Variants in COL5A1 observed in about 807,000 individuals in gnomAD.
The protein encoded by COL5A1 is collagen alpha-1(V) chain.
COL5A1 carries 16 observed loss-of-function variants against 263.7 expected under a neutral mutation model. The observed-to-expected ratio is 0.06, with a 90% CI of 0.04 to 0.09. COL5A1 has a LOEUF of 0.09. COL5A1 is among the 10% of genes least tolerant of loss of function. The pLI is 1.00. For missense variants in COL5A1, 2,036 were observed against 2,540.5 expected (o/e 0.80, Z 4.27); for synonymous variants, 1,012 against 1,004.5 (o/e 1.01, Z -0.14).
chr9:134,778,104 C>A (rs1014112232), intron 27 of COL5A1, among the ~76,000 whole-genome samples: 2 of 152,182 alleles, frequency 1.3e-5, no homozygotes, highest in Admixed American at 6.5e-5. Flanking sequence ...GATGCCACGC[C>A]GTGGTGAGAC....
intron 34 of COL5A1, among the ~76,000 whole-genome samples, chr9:134,795,732 G>A (rs1035093266): frequency 1.6e-3 from 241 of 152,352 alleles, no homozygotes; most frequent in African/African-American, 5.7e-3. Flanking sequence ...GGCCCAGGCC[G>A]GCCTCATGCA....
Position 134,843,888 on chromosome 9 carries a change from CGGCTCCAGAGCTCGG to C in COL5A1, c.*1589_*1603del, listed in dbSNP as rs1361511472. On this transcript the variant is annotated 3_prime_UTR_variant, in exon 66 of 66. Transcript: ENST00000371817. ...CAAATGTCCTGGATGCGAGCGTCAG[CGGCTCCAGAGCTCGG>C]GGCGGGTGAGGTCCCCTTTGGGGAA... 1 of 152,560 alleles carries C rather than the reference CGGCTCCAGAGCTCGG, an allele frequency of 6.6e-6. No homozygotes were observed. Among genetic ancestry groups the C allele is most frequent in the Non-Finnish European group, 1.5e-5 (1 of 68,042 alleles). 9.5% of individuals were successfully genotyped at this position (152,560 alleles called of 1,614,324 possible).
intron 14 of COL5A1, 29 bp from the exon 15 acceptor site, chr9:134,753,821 A>G: frequency 7.0e-7 from 1 of 1,420,084 alleles, no homozygotes; most frequent in Non-Finnish European, 9.4e-7. Flanking sequence ...CACCTCGAGC[A>G]GACATTAACA....
At chr9:134,735,999 C>T (rs181233579) in intron 9 of COL5A1, among the ~76,000 whole-genome samples, 2 of 150,906 alleles carry the variant, frequency 1.3e-5, no homozygotes, top group Non-Finnish European at 3.0e-5. Flanking sequence ...CATCTGCGGC[C>T]CCCCCAGCCG....
rs925927419 is a variant in COL5A1, at chr9:134,677,720, T to C, written c.110-13192T>C. Among the ~76,000 whole-genome samples, 3 of 152,244 alleles carry C rather than the reference T, an allele frequency of 2.0e-5. No individual in the cohort carries two copies. Among genetic ancestry groups the C allele is most frequent in the African/African-American group, 4.8e-5 (2 of 41,466 alleles). On this transcript the variant is annotated intron_variant, in intron 1 of 65. Transcript: ENST00000371817. The surrounding 1 kb of genome is among the most constrained non-coding windows in gnomAD (Gnocchi z 4.4). ...TCCATCCTTTCTCAGTCCGGCCATC[T>C]TACTCCCTGTTCCTCCTTCATCTCT...
At chr9:134,679,600 C>T (rs1288251161) in intron 1 of COL5A1, among the ~76,000 whole-genome samples, 15 of 64,814 alleles carry the variant, frequency 2.3e-4, no homozygotes, top group African/African-American at 9.7e-4. Context: ...GCTGGTTGGG[C>T]ACTGCGGGGC....
chr9:134,767,184 G>A (rs957280809), intron 23 of COL5A1, 126 bp from the exon 24 acceptor site: 16 of 1,414,844 alleles, frequency 1.1e-5, no homozygotes, highest in East Asian at 2.3e-5. Context: ...TATCTGGAGG[G>A]AGACTAGGAC....
rs1402901005 is a variant in COL5A1, at chr9:134,677,036, T to C, written c.110-13876T>C. On this transcript the variant is annotated intron_variant, in intron 1 of 65. Coordinates refer to ENST00000371817, the MANE Select transcript of COL5A1 (RefSeq NM_000093.5). This position sits in a 1 kb window ranked among gnomAD's most constrained non-coding sequence, Gnocchi z 4.4. ...GGAGCACCTGCTGCCAGTCCTGGGC[T>C]TGGGGAGGCCATGGAGTGCTCTGGT... Among the ~76,000 whole-genome samples, 3 of 152,186 alleles carry C rather than the reference T, an allele frequency of 2.0e-5. No homozygotes were observed. The highest frequency in any genetic ancestry group is 7.2e-5 in the African/African-American group (3 of 41,442).
chr9:134,680,627 G>A lies in COL5A1; in HGVS notation c.110-10285G>A, dbSNP rs774461298. Reference sequence around the variant, plus strand: ...AAGGCCTTGAGGTGGGGCCCCAGGGGCTTGGGGAGGGTGGCCATGCTGTGC... The same window carrying A: ...AAGGCCTTGAGGTGGGGCCCCAGGGACTTGGGGAGGGTGGCCATGCTGTGC... On this transcript the variant is annotated intron_variant, in intron 1 of 65. Transcript: ENST00000371817. The surrounding 1 kb of genome is among the most constrained non-coding windows in gnomAD (Gnocchi z 5.9). 2.0e-5 allele frequency among the ~76,000 whole-genome samples: 3 copies of A among 152,198 alleles called. No individual in the cohort carries two copies. The highest frequency in any genetic ancestry group is 4.4e-5 in the Non-Finnish European group (3 of 68,026).
intron 27 of COL5A1, among the ~76,000 whole-genome samples, chr9:134,778,945 G>T (rs564736414): frequency 6.6e-6 from 1 of 152,250 alleles, no homozygotes; most frequent in Non-Finnish European, 1.5e-5. Flanking sequence ...GCCAGGGCAC[G>T]CAGCCCAAGG....
chr9:134,719,866 C>T (rs1401985578), intron 4 of COL5A1, among the ~76,000 whole-genome samples: 1 of 152,180 alleles, frequency 6.6e-6, no homozygotes, highest in East Asian at 1.9e-4. Flanking sequence ...TGCCATGAAA[C>T]CTGGCAGTTA....
chr9:134,750,040 A>G (rs1172072178), intron 11 of COL5A1, among the ~76,000 whole-genome samples: 1 of 152,172 alleles, frequency 6.6e-6, no homozygotes, highest in Non-Finnish European at 1.5e-5. Flanking sequence ...CCATCCACGC[A>G]AGTGGCTGCT....
In COL5A1 at chr9:134,642,013, G is replaced by A. The variant is rs890651243; in HGVS notation, c.-175G>A. On this transcript the variant is annotated 5_prime_UTR_variant, in exon 1 of 66. Transcript: ENST00000371817. This position sits in a 1 kb window ranked among gnomAD's most constrained non-coding sequence, Gnocchi z 4.5. The stretch of plus-strand genomic sequence containing the variant: ...CCGCCCGTGGGCGAGCGCGCCAGCC[G>A]CCCCTTCCAGAACAGCCGCCGCCAC... 1.2e-4 allele frequency: 67 copies of A among 538,922 alleles called. No homozygotes were observed. The highest frequency in any genetic ancestry group is 5.3e-4 in the Middle Eastern group (1 of 1,898). The allele number at this position is 538,922 out of a possible 1,614,324, so 33.4% of individuals were successfully genotyped here. A position where few individuals can be genotyped will look rare whatever the true frequency, so the allele number is the denominator to read the frequency against.
At chr9:134,779,525 T>C (rs1353679779) in intron 27 of COL5A1, among the ~76,000 whole-genome samples, 2 of 152,228 alleles carry the variant, frequency 1.3e-5, no homozygotes, top group Admixed American at 6.5e-5. Flanking sequence ...CTTCTGTTTA[T>C]TGACACCTGC....
At chr9:134,823,091 TC>T in intron 60 of COL5A1, 58 bp downstream of exon 60, 2 of 1,590,018 alleles carry the variant, frequency 1.3e-6, no homozygotes, top group Non-Finnish European at 8.6e-7. Flanking sequence ...GGGCGACGGG[TC>T]CCCTGGCACG....
At chr9:134,788,286 G>A (rs1167131710) in intron 31 of COL5A1, among the ~76,000 whole-genome samples, 7 of 151,180 alleles carry the variant, frequency 4.6e-5, no homozygotes, top group African/African-American at 1.7e-4. Context: ...ATGGATGGGT[G>A]GGCAGGTAAG....
chr9:134,807,823 C>T (rs941138707), intron 42 of COL5A1, among the ~76,000 whole-genome samples: 1 of 152,200 alleles, frequency 6.6e-6, no homozygotes, highest in East Asian at 1.9e-4. Context: ...GCCAACTGGG[C>T]AGTCAGTGTA....
chr9:134,658,803 G>C (rs1438659157), intron 1 of COL5A1, among the ~76,000 whole-genome samples: 1 of 152,242 alleles, frequency 6.6e-6, no homozygotes, highest in Admixed American at 6.5e-5. Flanking sequence ...CTGGGCTCCA[G>C]GTGGGCTCTG....
Position 134,767,043 on chromosome 9 carries a change from C to T in COL5A1, c.2177C>T (p.Pro726Leu), listed in dbSNP as rs1836697036. The change falls in exon 23 of 66, where the codon CCA becomes CTA. Residue 726 changes from proline (P) to leucine (L), a missense_variant. Around this residue, in one of 3 missense-constraint regions of COL5A1, gnomAD observed 1,078 missense variants for 1,521.4 expected, o/e 0.71. Coordinates refer to ENST00000371817, the MANE Select transcript of COL5A1 (RefSeq NM_000093.5). ...GGCCCCCCAGGACAGCAGGGTAATC[C>T]AGGCGCCCAGGTAAGTGAGCCTGAG... ...EPGPPGQQGN[P>L]GAQGLPGPQG... 3 of 1,613,350 alleles carry T rather than the reference C, an allele frequency of 1.9e-6. No homozygotes were observed. Among genetic ancestry groups the T allele is most frequent in the Admixed American group, 3.3e-5 (2 of 59,950 alleles).
Sources: gnomAD v4.1 joint callset for allele counts (sites outside exome capture counted in the v4.1 genomes callset) on GRCh38, gnomAD v4.1.1 for gene constraint, gnomAD v4.1.1 regional missense constraint, Gnocchi (gnomAD v3.1) non-coding constraint, MANE v1.5 for transcripts, NCBI Gene and HGNC (gene_info 2026-07-23, HGNC 2026-07-21) for gene names.